SORCS2: variants seen among roughly 807,000 people sequenced by gnomAD.
SORCS2 encodes the protein VPS10 domain-containing receptor SorCS2.
A neutral mutation model predicts 141.6 loss-of-function variants in SORCS2; 100 were observed. The ratio of observed to expected loss-of-function variants is 0.71; its 90% CI spans 0.60 to 0.83. SORCS2 has a LOEUF of 0.83. Ranked by LOEUF, SORCS2 falls within the 40% of genes least tolerant of loss-of-function variation. The pLI, the probability that SORCS2 is intolerant of heterozygous loss-of-function variation, is 0.00. For missense variants in SORCS2, 1,646 were observed against 1,560.2 expected, an observed-to-expected ratio of 1.05 and a Z score of -0.93; for synonymous variants, 789 against 676.9, an observed-to-expected ratio of 1.17 and a Z score of -2.57.
chr4:7,674,333 A>G (rs778003942), intron 8 of SORCS2, among the ~76,000 whole-genome samples: 2 of 151,602 alleles, frequency 1.3e-5, no homozygotes, highest in African/African-American at 2.4e-5. Context: ...TAATCCCAGC[A>G]CTTTGGGAGG....
At chr4:7,338,089 CTGGATGGATGTTGGATGGATGT>C (rs1407294700) in intron 1 of SORCS2, among the ~76,000 whole-genome samples, 1 of 124,254 alleles carries the variant, frequency 8.0e-6, no homozygotes, top group African/African-American at 3.2e-5. Flanking sequence ...GGCTGGCTGG[CTGGATGGATGTTGGATGGATGT>C]TGGATGGATG....
At chr4:7,213,412 G>T (rs1728161104) in intron 1 of SORCS2, among the ~76,000 whole-genome samples, 1 of 152,232 alleles carries the variant, frequency 6.6e-6, no homozygotes, top group Non-Finnish European at 1.5e-5. Flanking sequence ...CTATCACATG[G>T]TGTTGTGGAC....
At chr4:7,573,096 T>A (rs1267330668) in intron 3 of SORCS2, among the ~76,000 whole-genome samples, 2 of 152,192 alleles carry the variant, frequency 1.3e-5, no homozygotes, top group Non-Finnish European at 2.9e-5. Context: ...GTGGCAGACA[T>A]GAGAACAGCC....
At chr4:7,590,185 G>A (rs1395347327) in intron 3 of SORCS2, among the ~76,000 whole-genome samples, 3 of 152,186 alleles carry the variant, frequency 2.0e-5, no homozygotes, top group Admixed American at 6.5e-5. Context: ...ACAGTAAACT[G>A]AAAACATGAC....
chr4:7,629,403 T>C (rs1350443350), intron 3 of SORCS2, among the ~76,000 whole-genome samples: 1 of 151,862 alleles, frequency 6.6e-6, no homozygotes, highest in Non-Finnish European at 1.5e-5. Context: ...GGAACAAACA[T>C]GGGTGTGAAA....
intron 2 of SORCS2, among the ~76,000 whole-genome samples, chr4:7,529,423 AG>A (rs1733885100): frequency 6.6e-6 from 1 of 152,184 alleles, no homozygotes; most frequent in Non-Finnish European, 1.5e-5. Flanking sequence ...CCTAGAGAGC[AG>A]GGGCTTTGCT....
intron 1 of SORCS2, among the ~76,000 whole-genome samples, chr4:7,373,473 TA>T (rs1560228403): frequency 2.6e-4 from 19 of 72,078 alleles, no homozygotes; most frequent in African/African-American, 1.3e-3. Flanking sequence ...TATATATATA[TA>T]TATATTTTTT....
chr4:7,439,398 T>C (rs1468454720), intron 2 of SORCS2, among the ~76,000 whole-genome samples: 2 of 152,188 alleles, frequency 1.3e-5, no homozygotes, highest in Non-Finnish European at 2.9e-5. Context: ...CACCAATCCA[T>C]AGCACTGTGA....
intron 3 of SORCS2, among the ~76,000 whole-genome samples, chr4:7,601,347 T>A (rs1303284415): frequency 2.0e-5 from 3 of 152,120 alleles, no homozygotes; most frequent in Non-Finnish European, 4.4e-5. Flanking sequence ...ATATCTTTAT[T>A]CAAACAGTAG....
intron 3 of SORCS2, among the ~76,000 whole-genome samples, chr4:7,580,183 T>C (rs1471649290): frequency 6.6e-6 from 1 of 152,186 alleles, no homozygotes; most frequent in Non-Finnish European, 1.5e-5. Flanking sequence ...TATTAACTGA[T>C]AGAAATTGCT....
intron 1 of SORCS2, among the ~76,000 whole-genome samples, chr4:7,273,434 G>A (rs1174555810): frequency 2.0e-5 from 3 of 152,170 alleles, no homozygotes; most frequent in Non-Finnish European, 4.4e-5. Context: ...GGCTGCTTCT[G>A]GAACACGGGT....
chr4:7,260,978 C>G (rs1489808776), intron 1 of SORCS2, among the ~76,000 whole-genome samples: 2 of 152,160 alleles, frequency 1.3e-5, no homozygotes, highest in Non-Finnish European at 2.9e-5. Flanking sequence ...TCACGGATCC[C>G]TGTTTTGTTG....
chr4:7,710,600 A>T (rs1560502011), intron 14 of SORCS2, among the ~76,000 whole-genome samples: 1 of 152,190 alleles, frequency 6.6e-6, no homozygotes, highest in Non-Finnish European at 1.5e-5. Context: ...GGAAGATCCC[A>T]GTGTGTTGAG....
chr4:7,721,061 C>T (rs1022136101), intron 18 of SORCS2, among the ~76,000 whole-genome samples: 3 of 152,246 alleles, frequency 2.0e-5, no homozygotes, highest in East Asian at 1.9e-4. Flanking sequence ...GTGTTATTCA[C>T]AAAGGCCAGA....
At position 7,233,910 on chromosome 4, in the gene SORCS2, A is replaced by T. The variant is rs1712080927; in HGVS notation, c.480+40784A>T. On this transcript the variant is annotated intron_variant, in intron 1 of 26. Coordinates refer to ENST00000507866, the MANE Select transcript of SORCS2 (RefSeq NM_020777.3). This position sits in a 1 kb window ranked among gnomAD's most constrained non-coding sequence, Gnocchi z 4.5. Reference sequence around the variant, plus strand: ...CTATCCCATCCCCTTCTCTGGTCTCAGTTTCCGCATCTGTAAAAGGAGGCT... The same window carrying T: ...CTATCCCATCCCCTTCTCTGGTCTCTGTTTCCGCATCTGTAAAAGGAGGCT... 6.6e-6 allele frequency among the ~76,000 whole-genome samples: 1 copy of T among 152,148 alleles called. No homozygotes were observed. The highest frequency in any genetic ancestry group is 6.5e-5 in the Admixed American group (1 of 15,282).
rs763401572 is a variant in SORCS2 at position 7,741,289 on chromosome 4, G to A, written c.*1025G>A. 43 of 398,876 alleles carry A rather than the reference G, an allele frequency of 1.1e-4. No individual in the cohort carries two copies. Among genetic ancestry groups the A allele is most frequent in the Non-Finnish European group, 1.8e-4 (40 of 226,148 alleles). 24.7% of individuals were successfully genotyped at this position (398,876 alleles called of 1,614,324 possible). A position where few individuals can be genotyped will look rare whatever the true frequency, so the allele number is the denominator to read the frequency against. On this transcript the variant is annotated 3_prime_UTR_variant, in exon 27 of 27. Transcript: ENST00000507866. Reference sequence around the variant, plus strand: ...AGCGTGACCCTCATTTTCAAGAAGGGGAAACTGAGGCCCAGGGAGGAGAGT... The same window carrying A: ...AGCGTGACCCTCATTTTCAAGAAGGAGAAACTGAGGCCCAGGGAGGAGAGT...
chr4:7,636,205 C>T (rs114855372), intron 3 of SORCS2, among the ~76,000 whole-genome samples: 5,637 of 151,862 alleles, frequency 0.037, 155 homozygotes, highest in Non-Finnish European at 0.054. Flanking sequence ...GCTCTGGAGT[C>T]AAATGCTTGG....
intron 2 of SORCS2, among the ~76,000 whole-genome samples, chr4:7,512,521 G>A (rs1271640029): frequency 2.0e-5 from 3 of 152,048 alleles, no homozygotes; most frequent in African/African-American, 4.8e-5. Context: ...TTAGTGCCAC[G>A]GGTGCCACTC....
chr4:7,477,918 T>C (rs77137308), intron 2 of SORCS2, among the ~76,000 whole-genome samples: 460 of 152,302 alleles, frequency 3.0e-3, no homozygotes, highest in Non-Finnish European at 5.0e-3. Context: ...GGTAAACTGA[T>C]GCACAAAGTC....
Sources: gnomAD v4.1 joint callset for allele counts (sites outside exome capture counted in the v4.1 genomes callset) on GRCh38, gnomAD v4.1.1 for gene constraint, Gnocchi (gnomAD v3.1) non-coding constraint, MANE v1.5 for transcripts, NCBI Gene and HGNC (gene_info 2026-07-23, HGNC 2026-07-21) for gene names.